Variants in KLHL28 observed in about 807,000 individuals in gnomAD.
KLHL28 encodes the protein kelch like family member 28.
Under a neutral mutation model 48.3 loss-of-function variants are expected in KLHL28, and 22 were observed. The ratio of observed to expected loss-of-function variants is 0.46; its 90% CI spans 0.33 to 0.65. KLHL28 has a LOEUF of 0.65. Ranked by LOEUF, KLHL28 falls within the 30% of genes least tolerant of loss-of-function variation. The pLI is 0.03. For missense variants in KLHL28, 527 were observed against 704.3 expected (o/e 0.75, Z 2.85); for synonymous variants, 243 against 242.4 (o/e 1.00, Z -0.02).
At chr14:44,960,115 G>A (rs1884967861) in intron 1 of KLHL28, among the ~76,000 whole-genome samples, 1 of 152,076 alleles carries the variant, frequency 6.6e-6, no homozygotes, top group African/African-American at 2.4e-5. Context: ...AAAATAAATT[G>A]CAATCTGTAA....
At chr14:44,935,746 C>T (rs1883782854) in intron 2 of KLHL28, among the ~76,000 whole-genome samples, 1 of 150,868 alleles carries the variant, frequency 6.6e-6, no homozygotes, top group Non-Finnish European at 1.5e-5. Flanking sequence ...CAAGGAGGGG[C>T]ACAGGGGGAC....
chr14:44,941,628 CAAAAAAA>C (rs1247926852), intron 2 of KLHL28, among the ~76,000 whole-genome samples: 2 of 81,084 alleles, frequency 2.5e-5, no homozygotes, highest in African/African-American at 8.5e-5. Flanking sequence ...AACTCTGTCT[CAAAAAAA>C]AAAAAAAAAA....
chr14:44,959,500 A>G (rs909799252), intron 1 of KLHL28: 3 of 152,148 alleles, frequency 2.0e-5, no homozygotes, highest in African/African-American at 7.2e-5. Flanking sequence ...ACTGACGTTC[A>G]ATATTCCTGG....
chr14:44,960,786 T>C (rs1885028787), intron 1 of KLHL28: 2 of 318,158 alleles, frequency 6.3e-6, no homozygotes, highest in South Asian at 1.3e-4. Flanking sequence ...CCAGAAATTA[T>C]TTTTGCACTT....
intron 2 of KLHL28, among the ~76,000 whole-genome samples, chr14:44,943,007 A>G (rs1175429131): frequency 1.3e-5 from 2 of 152,162 alleles, no homozygotes; most frequent in Admixed American, 6.5e-5. Context: ...TTCCAGAGTT[A>G]TAATAATGCT....
rs1286761688 is a variant in KLHL28 at position 44,934,179 on chromosome 14, C to T, written c.1279G>A (p.Ala427Thr). ...ATCATTCCATCCAATACCGCTGCAG[C>T]AAAACAACTTCTTGTTGTCGTCATT... is the stretch of plus-strand genomic sequence containing the variant. The part of the protein sequence containing the change: ...APMTTTRSCF[A>T]AAVLDGMIYA... The change falls in exon 3 of 5, where the codon GCT becomes ACT. Residue 427 changes from alanine (A) to threonine (T), a missense_variant. Ala to Thr is a moderately conservative substitution (Grantham distance 58). Coordinates refer to ENST00000396128, the MANE Select transcript of KLHL28 (RefSeq NM_017658.5). 6.2e-7 allele frequency: 1 copy of T among 1,614,180 alleles called. No individual in the cohort carries two copies. Among genetic ancestry groups the T allele is most frequent in the East Asian group, 2.2e-5 (1 of 44,882 alleles).
intron 1 of KLHL28, chr14:44,961,068 C>G (rs1159161736): frequency 4.2e-6 from 2 of 474,348 alleles, no homozygotes; most frequent in Non-Finnish European, 7.6e-6. Flanking sequence ...AGCTCTTCCA[C>G]TGTGTCCGTT....
chr14:44,953,009 C>CT (rs1210404681), intron 1 of KLHL28, among the ~76,000 whole-genome samples: 1 of 151,938 alleles, frequency 6.6e-6, no homozygotes, highest in Non-Finnish European at 1.5e-5. Flanking sequence ...AATAGCTGGG[C>CT]TATTTGATAC....
intron 1 of KLHL28, among the ~76,000 whole-genome samples, chr14:44,950,483 A>G (rs1884532444): frequency 1.3e-5 from 2 of 152,222 alleles, no homozygotes; most frequent in Non-Finnish European, 2.9e-5. Flanking sequence ...GTACACCATC[A>G]ACATATGACA....
intron 2 of KLHL28, among the ~76,000 whole-genome samples, chr14:44,936,770 G>C (rs916012415): frequency 6.6e-6 from 1 of 152,114 alleles, no homozygotes; most frequent in African/African-American, 2.4e-5. Flanking sequence ...AAGGCAAAGG[G>C]GCCATGGCGT....
chr14:44,931,209 CTTTT>C (rs544684169), intron 4 of KLHL28, 120 bp downstream of exon 4: 58 of 477,370 alleles, frequency 1.2e-4, no homozygotes, highest in South Asian at 2.4e-4. Context: ...ACATACAAGT[CTTTT>C]TTTTTTTTTT....
chr14:44,945,883 A>G lies in KLHL28; in HGVS notation c.46T>C (p.Leu16=). 1 of 1,614,100 alleles carries G rather than the reference A, an allele frequency of 6.2e-7. No individual in the cohort carries two copies. The highest frequency in any genetic ancestry group is 8.5e-7 in the Non-Finnish European group (1 of 1,179,936). ...CCCTGCAGAAGTTGTTCAGAATGCA[A>G]GTGGGTTAAGTTAGCAAGCATGTAG... is the stretch of plus-strand genomic sequence containing the variant. The part of the protein sequence containing the change: ...PTYMLANLTH[L]HSEQLLQGLN... Residue 16 remains leucine, a synonymous_variant, in exon 2 of 5, where the codon TTG becomes CTG. Transcript: ENST00000396128.
intron 1 of KLHL28, among the ~76,000 whole-genome samples, chr14:44,948,865 T>C (rs1884456444): frequency 6.6e-6 from 1 of 152,272 alleles, no homozygotes; most frequent in Non-Finnish European, 1.5e-5. Flanking sequence ...TCTATAAGCA[T>C]TTATTTACTA....
chr14:44,929,375 T>C (rs1566560323), intron 4 of KLHL28, among the ~76,000 whole-genome samples, 184 bp from the exon 5 acceptor site: 1 of 152,198 alleles, frequency 6.6e-6, no homozygotes, highest in East Asian at 1.9e-4. Flanking sequence ...TGCTTTCAGT[T>C]ACCTGAAGTC....
chr14:44,936,962 G>A (rs955589320), intron 2 of KLHL28, among the ~76,000 whole-genome samples: 2 of 152,162 alleles, frequency 1.3e-5, no homozygotes, highest in African/African-American at 4.8e-5. Flanking sequence ...AAGCTGGCAA[G>A]AAAAAACCAC....
Position 44,928,165 on chromosome 14 carries a change from A to ATATTT in KLHL28, c.*862_*863insAAATA, listed in dbSNP as rs1406885941. ...CTTAAAAAACTAAAATTATAAGGATATATAAAAAAATTAATATGCACTAAG... is the reference window on the plus strand; with the variant it reads ...CTTAAAAAACTAAAATTATAAGGATATATTTTATAAAAAAATTAATATGCACTAAG... On this transcript the variant is annotated 3_prime_UTR_variant, in exon 5 of 5. Coordinates refer to ENST00000396128, the MANE Select transcript of KLHL28 (RefSeq NM_017658.5). 1 of 152,536 alleles carries ATATTT rather than the reference A, an allele frequency of 6.6e-6. No individual in the cohort carries two copies. Among genetic ancestry groups the ATATTT allele is most frequent in the Non-Finnish European group, 1.5e-5 (1 of 68,012 alleles). The allele number at this position is 152,536 out of a possible 1,614,324, so 9.4% of individuals were successfully genotyped here. A position where few individuals can be genotyped will look rare whatever the true frequency, so the allele number is the denominator to read the frequency against.
chr14:44,949,561 T>C (rs950236677), intron 1 of KLHL28, among the ~76,000 whole-genome samples: 3 of 152,124 alleles, frequency 2.0e-5, no homozygotes, highest in Admixed American at 6.5e-5. Flanking sequence ...GGGATGCTTC[T>C]AGTGGTATTC....
At chr14:44,947,832 G>T (rs1306845392) in intron 1 of KLHL28, among the ~76,000 whole-genome samples, 1 of 152,296 alleles carries the variant, frequency 6.6e-6, no homozygotes, top group Non-Finnish European at 1.5e-5. Flanking sequence ...CTCCACTGCT[G>T]ATCTCTGCAA....
intron 1 of KLHL28, among the ~76,000 whole-genome samples, chr14:44,951,599 T>C (rs1429394264): frequency 1.3e-5 from 2 of 152,202 alleles, no homozygotes; most frequent in African/African-American, 2.4e-5. Flanking sequence ...GTGTTTAAAA[T>C]GGGCCAAAGA....
Sources: gnomAD v4.1 joint callset for allele counts (sites outside exome capture counted in the v4.1 genomes callset) on GRCh38, gnomAD v4.1.1 for gene constraint, MANE v1.5 for transcripts, NCBI Gene and HGNC (gene_info 2026-07-23, HGNC 2026-07-21) for gene names.